The following LRP1B variants were observed in gnomAD, a reference collection of about 807,000 sequenced individuals.
LRP1B encodes the protein LDL receptor related protein 1B, also known as low-density lipoprotein receptor-related protein 1B.
LRP1B carries 217 observed loss-of-function variants against 556.6 expected under a neutral mutation model. The observed-to-expected ratio is 0.39, with a 90% CI of 0.35 to 0.44. LRP1B has a LOEUF of 0.44. Among genes scored for constraint, LRP1B ranks in the 20% least tolerant of loss-of-function variants. The pLI is 1.00. For synonymous variants in LRP1B, 2,047 were observed against 1,865.8 expected (o/e 1.10, Z -2.50); for missense variants, 5,053 against 5,620.8 (o/e 0.90, Z 3.23).
intron 2 of LRP1B, among the ~76,000 whole-genome samples, chr2:141,515,896 T>C (rs1042332393): frequency 9.2e-5 from 14 of 152,214 alleles, no homozygotes; most frequent in African/African-American, 3.4e-4. Flanking sequence ...TTTACATCTA[T>C]CAGAATGTGA....
chr2:141,128,407 A>T (rs1354765849), intron 7 of LRP1B, among the ~76,000 whole-genome samples: 1 of 152,104 alleles, frequency 6.6e-6, no homozygotes, highest in Non-Finnish European at 1.5e-5. Flanking sequence ...TTCATCCTGT[A>T]CTGATGTCAC....
chr2:140,776,884 C>T (rs1448552839), intron 32 of LRP1B, among the ~76,000 whole-genome samples: 1 of 152,022 alleles, frequency 6.6e-6, no homozygotes, highest in Non-Finnish European at 1.5e-5. Flanking sequence ...AAATAGAGAT[C>T]TCCCCCTCTT....
chr2:141,019,629 A>C (rs2105395872), intron 12 of LRP1B, among the ~76,000 whole-genome samples: 1 of 152,148 alleles, frequency 6.6e-6, no homozygotes, highest in Non-Finnish European at 1.5e-5. Context: ...TGAATTGATT[A>C]TTTATCTTGG....
chr2:140,799,071 T>G (rs190388131), intron 32 of LRP1B, among the ~76,000 whole-genome samples: 1 of 152,266 alleles, frequency 6.6e-6, no homozygotes, highest in African/African-American at 2.4e-5. Flanking sequence ...TTTTTTTAAA[T>G]AAACGCATAT....
intron 7 of LRP1B, among the ~76,000 whole-genome samples, chr2:141,088,049 C>T (rs868830750): frequency 1.3e-5 from 2 of 152,100 alleles, no homozygotes; most frequent in Non-Finnish European, 1.5e-5. Context: ...CCAAAAACTG[C>T]TTTCCTGGTA....
chr2:141,728,104 A>T (rs893814929), intron 2 of LRP1B, among the ~76,000 whole-genome samples: 6 of 152,116 alleles, frequency 3.9e-5, no homozygotes, highest in East Asian at 1.9e-4. Context: ...CTGAGGGTGA[A>T]ATGTTCCGCT....
chr2:140,341,957 G>GT (rs547375496), intron 77 of LRP1B, among the ~76,000 whole-genome samples: 64 of 151,398 alleles, frequency 4.2e-4, no homozygotes, highest in African/African-American at 1.5e-3. Context: ...GAGAGGGAAA[G>GT]TTAAATCGAG....
At chr2:141,006,741 T>C (rs1697587175) in intron 14 of LRP1B, among the ~76,000 whole-genome samples, 2 of 152,002 alleles carry the variant, frequency 1.3e-5, no homozygotes, top group African/African-American at 4.8e-5. Context: ...CTATATATCA[T>C]ATATTTCTTC....
rs569261676 is a variant in LRP1B, at chr2:140,467,845, T to A, written c.9625+7293A>T. 2.0e-5 allele frequency among the ~76,000 whole-genome samples: 3 copies of A among 152,146 alleles called. No individual in the cohort carries two copies. In the South Asian group the frequency reaches 6.2e-4, roughly 32 times the overall value. On this transcript the variant is annotated intron_variant, in intron 60 of 90. Coordinates refer to ENST00000389484, the MANE Select transcript of LRP1B (RefSeq NM_018557.3). ...GTACTTGGCTTTGTTGCACTGCTTA[T>A]AGTAAAATGCAAGGAGAGAAAGGAA...
At chr2:141,899,130 T>C (rs1558948389) in intron 1 of LRP1B, among the ~76,000 whole-genome samples, 1 of 152,104 alleles carries the variant, frequency 6.6e-6, no homozygotes, top group Non-Finnish European at 1.5e-5. Context: ...AATGCTATTA[T>C]ATGTGAGGGT....
At chr2:141,880,447 TTA>T (rs1412116105) in intron 1 of LRP1B, among the ~76,000 whole-genome samples, 5 of 151,908 alleles carry the variant, frequency 3.3e-5, no homozygotes, top group Non-Finnish European at 7.4e-5. Context: ...ATATAAATGA[TTA>T]TGTCACATAT....
intron 3 of LRP1B, among the ~76,000 whole-genome samples, chr2:141,409,978 G>C (rs1690791324): frequency 6.6e-6 from 1 of 152,006 alleles, no homozygotes; most frequent in Non-Finnish European, 1.5e-5. Context: ...AGGAATTTGA[G>C]TTATGTAGAA....
chr2:140,994,997 A>T (rs530846409), intron 15 of LRP1B, among the ~76,000 whole-genome samples: 1 of 152,126 alleles, frequency 6.6e-6, no homozygotes, highest in East Asian at 1.9e-4. Flanking sequence ...TACAACTAAA[A>T]CACTACTGAG....
chr2:141,141,547 T>C (rs1021924066), intron 7 of LRP1B, among the ~76,000 whole-genome samples: 3 of 152,192 alleles, frequency 2.0e-5, no homozygotes, highest in Admixed American at 6.6e-5. Flanking sequence ...TTTTTAAATC[T>C]TTCCTTTTGC....
chr2:141,213,463 C>A (rs1682654641), intron 6 of LRP1B, among the ~76,000 whole-genome samples: 1 of 152,098 alleles, frequency 6.6e-6, no homozygotes. Context: ...TCGCACACAC[C>A]CCCACAGGCA....
chr2:141,877,624 G>C (rs1053831555), intron 1 of LRP1B, among the ~76,000 whole-genome samples: 2 of 151,832 alleles, frequency 1.3e-5, no homozygotes, highest in Non-Finnish European at 2.9e-5. Flanking sequence ...TTTTACTTTC[G>C]CAAATTTAAT....
At chr2:141,536,545 T>C (rs1338881170) in intron 2 of LRP1B, among the ~76,000 whole-genome samples, 1 of 151,874 alleles carries the variant, frequency 6.6e-6, no homozygotes, top group Non-Finnish European at 1.5e-5. Context: ...ACAATGGAGG[T>C]TATCAATAAA....
chr2:140,848,138 G>A (rs1692332666), intron 29 of LRP1B, among the ~76,000 whole-genome samples: 1 of 152,078 alleles, frequency 6.6e-6, no homozygotes, highest in Non-Finnish European at 1.5e-5. Flanking sequence ...CTTGAGGGAA[G>A]ACCACCTAAC....
chr2:140,570,012 C>T (rs920683447), intron 43 of LRP1B, among the ~76,000 whole-genome samples: 5 of 151,650 alleles, frequency 3.3e-5, no homozygotes, highest in Admixed American at 3.3e-4. Context: ...AACATGTCAA[C>T]ACCTATGGGA....
Sources: gnomAD v4.1 joint callset for allele counts (sites outside exome capture counted in the v4.1 genomes callset) on GRCh38, gnomAD v4.1.1 for gene constraint, MANE v1.5 for transcripts, NCBI Gene and HGNC (gene_info 2026-07-23, HGNC 2026-07-21) for gene names.